TPRG1: variants seen among roughly 807,000 people sequenced by gnomAD.
TPRG1 encodes the protein tumor protein p63 regulated 1.
A neutral mutation model predicts 29.3 loss-of-function variants in TPRG1; 29 were observed. The observed-to-expected ratio is 0.99, with a 90% CI of 0.74 to 1.35. The LOEUF (loss-of-function observed/expected upper bound fraction) is 1.35. Ranked by LOEUF, TPRG1 falls within the 40% of genes most tolerant of loss-of-function variation. The probability of loss-of-function intolerance (pLI) is 0.00; values close to 1 mark genes in which losing one functional copy is unlikely to be tolerated. For synonymous variants in TPRG1, 130 were observed against 116.8 expected (o/e 1.11, Z -0.73); for missense variants, 327 against 335.0 (o/e 0.98, Z 0.19).
intron 3 of TPRG1, among the ~76,000 whole-genome samples, chr3:189,134,095 G>A (rs1364213345): frequency 6.6e-6 from 1 of 152,118 alleles, no homozygotes; most frequent in Admixed American, 6.5e-5. Context: ...TTTGTTTCCA[G>A]TCAAGGTCCC....
At chr3:189,287,357 G>C (rs1473063501) in intron 4 of TPRG1, among the ~76,000 whole-genome samples, 1 of 150,116 alleles carries the variant, frequency 6.7e-6, no homozygotes. Flanking sequence ...GATGGCAAAA[G>C]AAAAAAAGGT....
chr3:189,282,753 A>G (rs984015736), intron 4 of TPRG1, among the ~76,000 whole-genome samples: 2 of 152,180 alleles, frequency 1.3e-5, no homozygotes, highest in Non-Finnish European at 1.5e-5. Context: ...TAAAACCACA[A>G]TCCACTAAGC....
At chr3:189,259,017 C>T (rs1275355267) in intron 4 of TPRG1, among the ~76,000 whole-genome samples, 3 of 152,158 alleles carry the variant, frequency 2.0e-5, no homozygotes, top group Non-Finnish European at 4.4e-5. Context: ...ACAGTTCTGT[C>T]TTGCTGTGTT....
chr3:189,281,282 A>G (rs1717078671), intron 4 of TPRG1, among the ~76,000 whole-genome samples: 4 of 152,194 alleles, frequency 2.6e-5, no homozygotes. Flanking sequence ...ACTGAGCAAT[A>G]TCACTTCCCA....
At chr3:189,251,686 T>C (rs562133568) in intron 4 of TPRG1, among the ~76,000 whole-genome samples, 4,896 of 152,292 alleles carry the variant, frequency 0.032, 258 homozygotes, top group African/African-American at 0.11. Context: ...GTGCTTTAGA[T>C]ATGCATACAC....
intron 3 of TPRG1, among the ~76,000 whole-genome samples, chr3:189,022,871 A>G (rs1713424288): frequency 6.6e-6 from 1 of 152,198 alleles, no homozygotes; most frequent in Non-Finnish European, 1.5e-5. Flanking sequence ...TGTGCTAGCA[A>G]TCAGCGAGAC....
rs558766230 is a variant in TPRG1 at position 189,100,742 on chromosome 3, A to G, written c.-744+538A>G. ...TTATAAACCTTGTGATTGGCTGACT[A>G]TGAGAGCTTGGATAGCCTTCTTGAC... On this transcript the variant is annotated intron_variant, in intron 1 of 6. Transcript: ENST00000412373. Among the ~76,000 whole-genome samples the G allele has an allele frequency of 3.9e-5, 6 of 152,282 alleles. No individual in the cohort carries two copies. In the South Asian group the frequency reaches 6.2e-4, roughly 16 times the overall value.
intron 4 of TPRG1, among the ~76,000 whole-genome samples, chr3:189,279,996 T>G (rs1181289957): frequency 6.6e-6 from 1 of 152,012 alleles, no homozygotes; most frequent in Non-Finnish European, 1.5e-5. Flanking sequence ...CTGGAAAACC[T>G]CTGAGCGGGA....
intron 4 of TPRG1, among the ~76,000 whole-genome samples, chr3:189,301,558 A>T (rs940385620): frequency 4.6e-5 from 7 of 150,906 alleles, no homozygotes; most frequent in East Asian, 2.0e-4. Context: ...ATTTCATATA[A>T]TGTTTTCCTC....
intron 4 of TPRG1, among the ~76,000 whole-genome samples, chr3:189,035,665 A>C (rs1319747093): frequency 1.3e-5 from 2 of 152,142 alleles, no homozygotes; most frequent in African/African-American, 4.8e-5. Flanking sequence ...GTGACCAACA[A>C]ATATATTAAA....
At chr3:189,130,931 G>A (rs1216059042) in intron 2 of TPRG1, among the ~76,000 whole-genome samples, 1 of 152,132 alleles carries the variant, frequency 6.6e-6, no homozygotes, top group African/African-American at 2.4e-5. Context: ...TGCTAACAAT[G>A]GTGGATCTTG....
rs541669853 is a variant in TPRG1, at chr3:189,320,663, A to G, written c.671A>G (p.Gln224Arg). The stretch of plus-strand genomic sequence containing the variant: ...ATGTCTAAGCTTGTTCCAGCTATCC[A>G]GAATGCCCACAAGAATTCAACTGGA... ...GFMSKLVPAI[Q>R]NAHKNSTGSG... Residue 224 changes from glutamine to arginine, a missense_variant, in exon 6 of 6, where the codon CAG becomes CGG. Physicochemically the swap from Gln to Arg is conservative, Grantham distance 43. Coordinates refer to ENST00000345063, the MANE Select transcript of TPRG1 (RefSeq NM_198485.4). The G allele has an allele frequency of 2.4e-5, 38 of 1,611,940 alleles. No homozygotes were observed. In the South Asian group the frequency reaches 3.9e-4, roughly 16 times the overall value.
chr3:189,023,558 C>A (rs556527652), intron 3 of TPRG1, among the ~76,000 whole-genome samples: 1 of 152,164 alleles, frequency 6.6e-6, no homozygotes, highest in South Asian at 2.1e-4. Flanking sequence ...GTGTTGCAGT[C>A]ATTTGGAGGA....
chr3:189,085,700 G>A (rs563782562), intron 4 of TPRG1, among the ~76,000 whole-genome samples: 3 of 152,276 alleles, frequency 2.0e-5, no homozygotes, highest in Admixed American at 6.5e-5. Context: ...GACATCAGCA[G>A]CTTTATAGTG....
chr3:189,301,422 A>G (rs1720822244), intron 4 of TPRG1, among the ~76,000 whole-genome samples: 1 of 151,836 alleles, frequency 6.6e-6, no homozygotes, highest in Admixed American at 6.6e-5. Flanking sequence ...TTAACACTTT[A>G]TAGTATGTTT....
At chr3:189,195,985 A>G (rs1732469000) in intron 1 of TPRG1, among the ~76,000 whole-genome samples, 1 of 152,168 alleles carries the variant, frequency 6.6e-6, no homozygotes. Flanking sequence ...TAAAGAGTAG[A>G]GTGCTAGGGG....
intron 1 of TPRG1, among the ~76,000 whole-genome samples, chr3:189,192,836 A>T (rs1731905283): frequency 6.6e-6 from 1 of 151,942 alleles, no homozygotes; most frequent in Admixed American, 6.6e-5. Flanking sequence ...CAGTTGCAGG[A>T]TTTCCTTGAG....
chr3:188,998,310 G>T (rs1038812062), intron 1 of TPRG1, among the ~76,000 whole-genome samples: 1 of 152,186 alleles, frequency 6.6e-6, no homozygotes, highest in Admixed American at 6.5e-5. Flanking sequence ...AATATGAGAA[G>T]AAGCTAGCTC....
rs537986953 is a variant in TPRG1, at chr3:189,180,058, T to G, written c.-10+7927T>G. 3.9e-5 allele frequency among the ~76,000 whole-genome samples: 6 copies of G among 152,242 alleles called. No individual in the cohort carries two copies. The South Asian group carries it at 1.2e-3, about 32-fold the overall frequency. On this transcript the variant is annotated intron_variant, in intron 1 of 5. Transcript: ENST00000345063. ...ACATGGACGGCAGCATACGAAGAGA[T>G]AGAGTTTTTGCAGGGGAATTCCTCT...
Sources: allele counts gnomAD v4.1 joint callset (sites outside exome capture counted in the v4.1 genomes callset), GRCh38; gene constraint gnomAD v4.1.1; transcripts MANE v1.5; gene names NCBI Gene and HGNC (gene_info 2026-07-23, HGNC 2026-07-21).